Variants in KIF13B observed in about 807,000 individuals in gnomAD.
The protein encoded by KIF13B is kinesin family member 13B.
Under a neutral mutation model 222.0 loss-of-function variants are expected in KIF13B, and 127 were observed. The observed-to-expected ratio is 0.57, with a 90% confidence interval of 0.50 to 0.66. The LOEUF is 0.66. Ranked by LOEUF, KIF13B falls within the 30% of genes least tolerant of loss-of-function variation. The pLI, the probability that KIF13B is intolerant of heterozygous loss-of-function variation, is 0.00. For missense variants in KIF13B, 2,173 were observed against 2,379.0 expected (o/e 0.91, Z 1.80); for synonymous variants, 976 against 919.0 (o/e 1.06, Z -1.12).
intron 17 of KIF13B, 30 bp downstream of exon 17, chr8:29,147,362 A>G: frequency 2.6e-6 from 4 of 1,544,698 alleles, no homozygotes; most frequent in Non-Finnish European, 3.5e-6. Context: ...CCTGAGCTAT[A>G]AAGTTAACAG....
chr8:29,183,399 G>A (rs1310457260), intron 6 of KIF13B, among the ~76,000 whole-genome samples: 1 of 151,932 alleles, frequency 6.6e-6, no homozygotes, highest in African/African-American at 2.4e-5. Context: ...TGATCTGCCC[G>A]CCTCAGCCTC....
chr8:29,197,205 C>T (rs1169038703), intron 2 of KIF13B, among the ~76,000 whole-genome samples: 3 of 150,344 alleles, frequency 2.0e-5, no homozygotes, highest in Non-Finnish European at 3.0e-5. Context: ...GGCGTAGTGG[C>T]GGGCGCCTGT....
intron 1 of KIF13B, 75 bp downstream of exon 1, chr8:29,262,905 C>T (rs1019776922): frequency 4.7e-5 from 60 of 1,273,288 alleles, no homozygotes; most frequent in Admixed American, 1.8e-4. Context: ...CCGGACCCCC[C>T]ACGGCGGCCG....
At chr8:29,125,721 C>T (rs188438148) in intron 26 of KIF13B, among the ~76,000 whole-genome samples, 14 of 146,044 alleles carry the variant, frequency 9.6e-5, no homozygotes, top group Admixed American at 6.9e-4. Context: ...CAAAGTCTTG[C>T]AGGAGGTTAG....
At chr8:29,198,849 A>G (rs1813556323) in intron 2 of KIF13B, among the ~76,000 whole-genome samples, 1 of 152,196 alleles carries the variant, frequency 6.6e-6, no homozygotes, top group Admixed American at 6.5e-5. Context: ...GTTCTTACCA[A>G]TAAGTGGGAA....
Position 29,067,666 on chromosome 8 carries a change from G to A in KIF13B, c.*2838C>T, listed in dbSNP as rs1213791683. The A allele has an allele frequency of 1.3e-5, 2 of 152,282 alleles. No homozygotes were observed. Among genetic ancestry groups the A allele is most frequent in the East Asian group, 3.8e-4 (2 of 5,198 alleles). The allele number at this position is 152,282 out of a possible 1,614,324, so 9.4% of individuals were successfully genotyped here. A position where few individuals can be genotyped will look rare whatever the true frequency, so the allele number is the denominator to read the frequency against. ...AAGCACAGGGTGACTCCCGTCTTGT[G>A]TGCGTGCGCACAGCCACCAACACAC... is the stretch of plus-strand genomic sequence containing the variant. On this transcript the variant is annotated 3_prime_UTR_variant, in exon 40 of 40. Transcript: ENST00000524189.
At chr8:29,112,954 G>A (rs1034585661) in intron 32 of KIF13B, among the ~76,000 whole-genome samples, 2 of 152,132 alleles carry the variant, frequency 1.3e-5, no homozygotes, top group African/African-American at 2.4e-5. Context: ...TAGTAACAAC[G>A]ATAGTAGCAA....
chr8:29,180,106 C>A lies in KIF13B; in HGVS notation c.718G>T (p.Gly240Trp). The change falls in exon 8 of 40, where the codon GGG (glycine) becomes TGG (tryptophan). Residue 240 changes from glycine (G) to tryptophan (W), a missense_variant and splice_region_variant. Physicochemically the swap from Gly to Trp is radical, Grantham distance 184. Transcript: ENST00000524189. ...AGGTCATGCATCTGAACACCTACCC[C>A]AGACTTCACATCGTAGAGAGTATGT... ...LTHTLYDVKS[G>W]TSGEKVGKLS... 6.2e-7 allele frequency: 1 copy of A among 1,613,918 alleles called. No homozygotes were observed. Among genetic ancestry groups the A allele is most frequent in the Non-Finnish European group, 8.5e-7 (1 of 1,179,864 alleles).
At chr8:29,140,314 A>G in intron 20 of KIF13B, 123 bp from the exon 21 acceptor site, 1 of 1,404,902 alleles carries the variant, frequency 7.1e-7, no homozygotes, top group Non-Finnish European at 9.6e-7. Flanking sequence ...TTAGAGGCCT[A>G]GTCTCTGACA....
Position 29,167,569 on chromosome 8 carries a change from T to G in KIF13B, c.962A>C (p.Asn321Thr), listed in dbSNP as rs766314108. 1 of 1,613,940 alleles carries G rather than the reference T, an allele frequency of 6.2e-7. No homozygotes were observed. Among genetic ancestry groups the G allele is most frequent in the Non-Finnish European group, 8.5e-7 (1 of 1,179,826 alleles). ...TWLLKDSLGG[N>T]SKTAMVATVS... ...AGTAGCCACCATGGCGGTCTTGCTG[T>G]TACCCCCGAGGCTGTCCTACAGGAG... The change falls in exon 11 of 40, where the codon AAC becomes ACC. Residue 321 changes from asparagine (N) to threonine (T), a missense_variant. By Grantham distance (65) the Asn-to-Thr change is moderately conservative (BLOSUM62 0). Transcript: ENST00000524189.
intron 3 of KIF13B, among the ~76,000 whole-genome samples, chr8:29,193,002 G>C (rs1040041320): frequency 6.6e-6 from 1 of 152,096 alleles, no homozygotes; most frequent in Non-Finnish European, 1.5e-5. Flanking sequence ...GCAACTAAAG[G>C]GGGAGGCAGA....
chr8:29,156,252 T>A (rs925046085), intron 13 of KIF13B, among the ~76,000 whole-genome samples: 1 of 152,160 alleles, frequency 6.6e-6, no homozygotes, highest in Non-Finnish European at 1.5e-5. Context: ...ATTACAGGTG[T>A]GAGTCACCAT....
chr8:29,194,580 A>T (rs1031227025), intron 3 of KIF13B, among the ~76,000 whole-genome samples: 1 of 152,218 alleles, frequency 6.6e-6, no homozygotes, highest in Non-Finnish European at 1.5e-5. Context: ...CCTGGCACAA[A>T]GTTGGGGACT....
At chr8:29,233,578 A>G (rs1231673257) in intron 2 of KIF13B, among the ~76,000 whole-genome samples, 1 of 152,386 alleles carries the variant, frequency 6.6e-6, no homozygotes, top group East Asian at 1.9e-4. Flanking sequence ...AGATTCTCAA[A>G]TTTTTTGGTA....
chr8:29,127,591 A>G (rs895719724), intron 24 of KIF13B, among the ~76,000 whole-genome samples: 9 of 152,238 alleles, frequency 5.9e-5, no homozygotes, highest in African/African-American at 2.2e-4. Context: ...ATACAAATTA[A>G]ATTAAAGCAT....
chr8:29,118,272 T>C (rs972321274), intron 30 of KIF13B, among the ~76,000 whole-genome samples: 3 of 151,290 alleles, frequency 2.0e-5, no homozygotes, highest in African/African-American at 2.4e-5. Flanking sequence ...AGGCGATCAC[T>C]TCCGGTCAGG....
intron 37 of KIF13B, among the ~76,000 whole-genome samples, chr8:29,077,767 G>C (rs370422141): frequency 6.6e-6 from 1 of 152,098 alleles, no homozygotes; most frequent in Non-Finnish European, 1.5e-5. Flanking sequence ...TCAGGGACTC[G>C]ACTGACTGCC....
At chr8:29,245,166 A>G (rs1474434168) in intron 2 of KIF13B, among the ~76,000 whole-genome samples, 180 bp downstream of exon 2, 4 of 152,240 alleles carry the variant, frequency 2.6e-5, no homozygotes, top group Non-Finnish European at 5.9e-5. Flanking sequence ...TCATTCAGGC[A>G]CACTGTCATC....
intron 29 of KIF13B, among the ~76,000 whole-genome samples, chr8:29,122,332 G>A (rs1396921888): frequency 6.6e-6 from 1 of 152,200 alleles, no homozygotes; most frequent in Admixed American, 6.5e-5. Context: ...AACACCAGGA[G>A]AACAGAGCAT....
Sources: allele counts gnomAD v4.1 joint callset (sites outside exome capture counted in the v4.1 genomes callset), GRCh38; gene constraint gnomAD v4.1.1; transcripts MANE v1.5; gene names NCBI Gene and HGNC (gene_info 2026-07-23, HGNC 2026-07-21).